The following ABCA6 variants were observed in gnomAD, a reference collection of about 807,000 sequenced individuals.
The protein encoded by ABCA6 is ATP-binding cassette sub-family A member 6.
ABCA6 carries 164 observed loss-of-function variants against 191.2 expected under a neutral mutation model. The observed-to-expected ratio is 0.86, with a 90% CI of 0.76 to 0.98. The LOEUF (loss-of-function observed/expected upper bound fraction) is 0.98. Among genes scored for constraint, ABCA6 ranks in the 50% least tolerant of loss-of-function variants. ABCA6 has a pLI of 0.00. For synonymous variants in ABCA6, 636 were observed against 647.7 expected (o/e 0.98, Z 0.27); for missense variants, 1,958 against 1,894.1 (o/e 1.03, Z -0.63).
At position 69,113,634 on chromosome 17, in the gene ABCA6, A is replaced by G. The variant is rs2073477456; in HGVS notation, c.1886T>C (p.Ile629Thr). 6.2e-7 allele frequency: 1 copy of G among 1,612,900 alleles called. No homozygotes were observed. Among genetic ancestry groups the G allele is most frequent in the African/African-American group, 1.3e-5 (1 of 74,846 alleles). ...QKRKLTFGITILGDPQILLLD... is the reference protein window; with the variant it reads ...QKRKLTFGITTLGDPQILLLD... ...CTCACTTACTTGAGGATCTCCTAAA[A>G]TGGTAATCCCAAAAGTCAGCTTTCT... Residue 629 changes from isoleucine to threonine, a missense_variant, in exon 14 of 39, where the codon ATT becomes ACT. Transcript: ENST00000284425.
rs760977859 is a variant in ABCA6 at position 69,097,979 on chromosome 17, A to G, written c.3061T>C (p.Phe1021Leu). 2.5e-6 allele frequency: 4 copies of G among 1,612,268 alleles called. No individual in the cohort carries two copies. In the Admixed American group the frequency reaches 6.7e-5, roughly 27 times the overall value. Reference sequence around the variant, plus strand: ...GGAGAAATGCTACATAGAACCAAAAATAAGAAAAAGGAACCATCCGGCAAC... The same window carrying G: ...GGAGAAATGCTACATAGAACCAAAAGTAAGAAAAAGGAACCATCCGGCAAC... Reference protein sequence around the residue: ...TGLPDGSFFLFLVLCSISPYI... With the variant: ...TGLPDGSFFLLLVLCSISPYI... The change falls in exon 23 of 39, where the codon TTT (phenylalanine) becomes CTT (leucine). Residue 1021 changes from phenylalanine to leucine, a missense_variant. Coordinates refer to ENST00000284425, the MANE Select transcript of ABCA6 (RefSeq NM_080284.3).
At chr17:69,098,690 AAATATGCT>A (rs1279802295) in intron 22 of ABCA6, 2 of 151,250 alleles carry the variant, frequency 1.3e-5, no homozygotes, top group African/African-American at 4.8e-5. Context: ...CGAACCTGGA[AAATATGCT>A]AAGTGAAATA....
chr17:69,131,957 C>T lies in ABCA6; in HGVS notation c.791+1684G>A, dbSNP rs576640359. Among the ~76,000 whole-genome samples, 37 of 152,286 alleles carry T rather than the reference C, an allele frequency of 2.4e-4. No individual in the cohort carries two copies. The Middle Eastern group carries it at 0.01, about 42-fold the overall frequency. On this transcript the variant is annotated intron_variant, in intron 6 of 38. Coordinates refer to ENST00000284425, the MANE Select transcript of ABCA6 (RefSeq NM_080284.3). Reference sequence around the variant, plus strand: ...ACAGGGGTTCCCTCCTAACAGACTCCATGGGAGGCTCTAAGTCCATTCTTT... The same window carrying T: ...ACAGGGGTTCCCTCCTAACAGACTCTATGGGAGGCTCTAAGTCCATTCTTT...
intron 28 of ABCA6, 128 bp from the exon 29 acceptor site, chr17:69,087,601 G>T: frequency 1.6e-6 from 2 of 1,255,006 alleles, no homozygotes; most frequent in Non-Finnish European, 2.2e-6. Context: ...GATGATGACT[G>T]TCAATATTGC....
chr17:69,113,466 A>G, intron 14 of ABCA6, 106 bp from the exon 15 acceptor site: 3 of 1,516,402 alleles, frequency 2.0e-6, no homozygotes, highest in Non-Finnish European at 2.7e-6. Flanking sequence ...CCATCCAGCC[A>G]TTTTTCTCCA....
At chr17:69,082,845 T>G in intron 36 of ABCA6, 28 bp downstream of exon 36, 1 of 1,613,738 alleles carries the variant, frequency 6.2e-7, no homozygotes, top group South Asian at 1.1e-5. Flanking sequence ...ACCCTCCATA[T>G]TTCTCCATAA....
chr17:69,121,475 CTT>C (rs2048406568), intron 10 of ABCA6, among the ~76,000 whole-genome samples: 2 of 152,040 alleles, frequency 1.3e-5, no homozygotes, highest in Admixed American at 6.6e-5. Flanking sequence ...CATCAAATGA[CTT>C]TCTTTCCCTG....
chr17:69,110,609 A>G (rs1156675542), intron 17 of ABCA6, 192 bp downstream of exon 17: 1 of 578,730 alleles, frequency 1.7e-6, no homozygotes, highest in South Asian at 2.3e-5. Flanking sequence ...TCCTGTCCCC[A>G]TTATCTGCTG....
At chr17:69,099,307 C>A (rs1480170111) in intron 22 of ABCA6, among the ~76,000 whole-genome samples, 1 of 152,004 alleles carries the variant, frequency 6.6e-6, no homozygotes, top group Non-Finnish European at 1.5e-5. Context: ...AGGGCTATGT[C>A]TATAAATTCT....
At chr17:69,084,809 C>T (rs1198738189) in intron 32 of ABCA6, among the ~76,000 whole-genome samples, 1 of 151,898 alleles carries the variant, frequency 6.6e-6, no homozygotes, top group Non-Finnish European at 1.5e-5. Context: ...GTGATTCGTT[C>T]ACTTATTCCT....
Position 69,079,283 on chromosome 17 carries a change from C to A in ABCA6, c.4697-18G>T. 6.3e-7 allele frequency: 1 copy of A among 1,595,264 alleles called. No individual in the cohort carries two copies. Among genetic ancestry groups the A allele is most frequent in the Non-Finnish European group, 8.5e-7 (1 of 1,170,134 alleles). The stretch of plus-strand genomic sequence containing the variant: ...ATGCTTCACTGGAGGAAAAAAAAGA[C>A]TAGTATTAATAGTAGATGCTTACAA... On this transcript the variant is annotated intron_variant, in intron 37 of 38. Coordinates refer to ENST00000284425, the MANE Select transcript of ABCA6 (RefSeq NM_080284.3).
At chr17:69,134,850 C>A in intron 4 of ABCA6, 108 bp from the exon 5 acceptor site, 2 of 607,050 alleles carry the variant, frequency 3.3e-6, no homozygotes, top group Non-Finnish European at 5.6e-6. Flanking sequence ...TACCAGTAAA[C>A]TTTTTTGGTG....
At chr17:69,099,673 C>T (rs1184151668) in intron 22 of ABCA6, 1 of 154,342 alleles carries the variant, frequency 6.5e-6, no homozygotes, top group Non-Finnish European at 1.5e-5. Context: ...TGCTACTCCT[C>T]TGGTTCCACT....
rs761951361 is a variant in ABCA6, at chr17:69,114,797, T to C, written c.1747A>G (p.Ile583Val). ...VKENLSLFAK[I>V]KGIHLKEVEQ... Reference sequence around the variant, plus strand: ...ACTTCCTTTAGATGAATCCCTTTTATTTTAGCAAACAGGCTGAGGTTTTCC... The same window carrying C: ...ACTTCCTTTAGATGAATCCCTTTTACTTTAGCAAACAGGCTGAGGTTTTCC... Residue 583 changes from isoleucine (I) to valine (V), a missense_variant, in exon 13 of 39, where the codon ATA becomes GTA. By Grantham distance (29) the Ile-to-Val change is conservative. Coordinates refer to ENST00000284425, the MANE Select transcript of ABCA6 (RefSeq NM_080284.3). 14 of 1,612,342 alleles carry C rather than the reference T, an allele frequency of 8.7e-6. No homozygotes were observed. In the East Asian group the frequency reaches 3.1e-4, roughly 36 times the overall value.
intron 26 of ABCA6, among the ~76,000 whole-genome samples, chr17:69,090,499 T>C (rs2072900134): frequency 2.0e-5 from 3 of 152,206 alleles, no homozygotes; most frequent in Non-Finnish European, 2.9e-5. Context: ...CCCAGAAGAA[T>C]TGTCTGACTC....
intron 25 of ABCA6, chr17:69,094,937 C>A (rs2073013229): frequency 6.6e-6 from 1 of 152,662 alleles, no homozygotes; most frequent in Admixed American, 6.5e-5. Flanking sequence ...CAGCATCACT[C>A]AGGCTGGCAG....
In ABCA6 at chr17:69,085,083, C is replaced by A; in HGVS notation, c.4129G>T (p.Val1377Leu). 1 of 1,613,814 alleles carries A rather than the reference C, an allele frequency of 6.2e-7. No homozygotes were observed. The highest frequency in any genetic ancestry group is 8.5e-7 in the Non-Finnish European group (1 of 1,179,906). Reference protein sequence around the residue: ...PMLTLREHLEVYAAVKGLRKA... With the variant: ...PMLTLREHLELYAAVKGLRKA... ...CTGAGCCCCTTGACGGCAGCATACA[C>A]CTCCAGGTGTTCCCTCAACGTCAGC... The change falls in exon 32 of 39, where the codon GTG becomes TTG. Residue 1377 changes from valine to leucine, a missense_variant. Physicochemically the swap from Val to Leu is conservative, Grantham distance 32 (BLOSUM62 1). Coordinates refer to ENST00000284425, the MANE Select transcript of ABCA6 (RefSeq NM_080284.3).
chr17:69,138,480 T>C (rs1275160895), intron 2 of ABCA6, among the ~76,000 whole-genome samples: 2 of 152,140 alleles, frequency 1.3e-5, no homozygotes, highest in Admixed American at 6.6e-5. Context: ...TCCATGCTCA[T>C]GGGTAGGAAG....
intron 6 of ABCA6, among the ~76,000 whole-genome samples, chr17:69,131,381 A>G (rs1168703870): frequency 1.3e-5 from 2 of 152,074 alleles, no homozygotes; most frequent in Non-Finnish European, 2.9e-5. Flanking sequence ...TTTAAAAAAC[A>G]TATCACATTC....
Sources: allele counts gnomAD v4.1 joint callset (sites outside exome capture counted in the v4.1 genomes callset), GRCh38; gene constraint gnomAD v4.1.1; transcripts MANE v1.5; gene names NCBI Gene and HGNC (gene_info 2026-07-23, HGNC 2026-07-21).